Variants in CDH26 observed in about 807,000 individuals in gnomAD.
The protein encoded by CDH26 is cadherin 26.
In CDH26, 83 loss-of-function variants were observed where a neutral mutation model predicts 90.3. The ratio of observed to expected loss-of-function variants is 0.92; its 90% CI spans 0.77 to 1.10. The LOEUF is 1.10. CDH26 is among the 50% of genes least tolerant of loss of function. CDH26 has a pLI of 0.00. For synonymous variants in CDH26, 397 were observed against 396.3 expected (o/e 1.00, Z -0.02); for missense variants, 1,013 against 1,037.6 (o/e 0.98, Z 0.33).
chr20:60,021,604 T>TATTTAG (rs1419618407), intron 7 of CDH26, among the ~76,000 whole-genome samples: 1 of 152,134 alleles, frequency 6.6e-6, no homozygotes, highest in Admixed American at 6.5e-5. Flanking sequence ...ATGGGTAACT[T>TATTTAG]ATTTAGCTTA....
intron 4 of CDH26, among the ~76,000 whole-genome samples, chr20:59,972,980 C>G (rs2061282137): frequency 6.6e-6 from 1 of 152,168 alleles, no homozygotes; most frequent in Admixed American, 6.5e-5. Flanking sequence ...AATGAACATG[C>G]AAAGATGACT....
At chr20:59,962,679 C>A (rs1374863943) in intron 1 of CDH26, among the ~76,000 whole-genome samples, 1 of 152,134 alleles carries the variant, frequency 6.6e-6, no homozygotes, top group Non-Finnish European at 1.5e-5. Context: ...TTTAGGGACA[C>A]AATTCAACCC....
intron 7 of CDH26, among the ~76,000 whole-genome samples, chr20:60,021,686 T>C (rs756585813): frequency 6.6e-6 from 1 of 152,054 alleles, no homozygotes; most frequent in Non-Finnish European, 1.5e-5. Flanking sequence ...CTCTGACAAA[T>C]TGTTTTCAAT....
intron 1 of CDH26, among the ~76,000 whole-genome samples, chr20:59,961,077 C>G (rs1404654356): frequency 3.3e-5 from 5 of 152,324 alleles, no homozygotes; most frequent in African/African-American, 1.2e-4. Flanking sequence ...CTTAGTCAGA[C>G]AGCACATTAA....
chr20:59,981,683 T>C (rs1243148456), intron 4 of CDH26, among the ~76,000 whole-genome samples: 1 of 152,136 alleles, frequency 6.6e-6, no homozygotes, highest in African/African-American at 2.4e-5. Flanking sequence ...TGTTGAGAAC[T>C]TTTAACTCTA....
In CDH26 at chr20:59,976,938, C is replaced by A. The variant is rs146086087; in HGVS notation, c.393+4815C>A. ...AAAGCTTTCAAGGCCCTTAGAGGCC[C>A]CCTGGGAGGGCCACCGACCCTGGGC... On this transcript the variant is annotated intron_variant, in intron 4 of 17. Coordinates refer to ENST00000348616, the MANE Select transcript of CDH26 (RefSeq NM_177980.4). 3.4e-3 allele frequency among the ~76,000 whole-genome samples: 514 copies of A among 152,154 alleles called. 3 individuals carry two copies. Among genetic ancestry groups the A allele is most frequent in the African/African-American group, 0.012 (492 of 41,536 alleles).
intron 15 of CDH26, among the ~76,000 whole-genome samples, chr20:60,002,220 T>A (rs1016844829): frequency 1.3e-5 from 2 of 152,142 alleles, no homozygotes; most frequent in Non-Finnish European, 2.9e-5. Context: ...TGAGCAAAGA[T>A]GAAAACATGA....
At chr20:60,023,636 G>A (rs977751819) in intron 7 of CDH26, among the ~76,000 whole-genome samples, 12 of 152,104 alleles carry the variant, frequency 7.9e-5, no homozygotes, top group Non-Finnish European at 1.5e-4. Context: ...CTGGACTTTG[G>A]CTACTGCTGG....
At chr20:60,012,261 A>T (rs1250019772) in intron 17 of CDH26, among the ~76,000 whole-genome samples, 2 of 152,018 alleles carry the variant, frequency 1.3e-5, no homozygotes, top group African/African-American at 4.8e-5. Flanking sequence ...GGGTGGGAGC[A>T]GGTGGGAGGT....
At chr20:59,980,439 T>C (rs1307275863) in intron 4 of CDH26, among the ~76,000 whole-genome samples, 1 of 152,000 alleles carries the variant, frequency 6.6e-6, no homozygotes, top group African/African-American at 2.4e-5. Flanking sequence ...GGATTACAGT[T>C]GCCTGCCACC....
intron 7 of CDH26, among the ~76,000 whole-genome samples, chr20:60,025,489 T>A (rs2061989620): frequency 6.6e-6 from 1 of 152,216 alleles, no homozygotes; most frequent in Admixed American, 6.5e-5. Context: ...CAGTGTCCTT[T>A]TGAGCTTGGA....
intron 7 of CDH26, among the ~76,000 whole-genome samples, chr20:59,985,457 G>A (rs1197637545): frequency 6.6e-6 from 1 of 152,030 alleles, no homozygotes; most frequent in Admixed American, 6.6e-5. Context: ...AATGAGGAAC[G>A]AGAGAGGTAA....
intron 9 of CDH26, among the ~76,000 whole-genome samples, chr20:59,991,879 A>G (rs779263156): frequency 6.6e-6 from 1 of 152,252 alleles, no homozygotes. Flanking sequence ...CACCCCTTAC[A>G]GTGGTGTCAG....
At chr20:59,963,056 G>A (rs1038994473) in intron 1 of CDH26, among the ~76,000 whole-genome samples, 2 of 152,170 alleles carry the variant, frequency 1.3e-5, no homozygotes, top group East Asian at 1.9e-4. Context: ...AGCACTTTGT[G>A]TGTGAGTGTT....
chr20:60,027,882 T>G (rs1452903372), intron 7 of CDH26, among the ~76,000 whole-genome samples: 6 of 152,224 alleles, frequency 3.9e-5, no homozygotes, highest in Non-Finnish European at 7.3e-5. Flanking sequence ...AAATTTTGGT[T>G]GGAATAATGA....
intron 1 of CDH26, among the ~76,000 whole-genome samples, chr20:59,965,272 A>G (rs780924474): frequency 1.3e-5 from 2 of 152,216 alleles, no homozygotes; most frequent in Non-Finnish European, 2.9e-5. Flanking sequence ...AGGATAAATA[A>G]TGATAGATTC....
In CDH26 at chr20:60,023,960, G is replaced by GGAGAGAGAGA. The variant is rs11086691; in HGVS notation, c.948-7252_948-7243dup. Reference sequence around the variant, plus strand: ...GGTGGGTACCATTATGCTGACAGAGGGAGAGAGAGAGAGAGAGAGAGAGAG... The same window carrying GGAGAGAGAGA: ...GGTGGGTACCATTATGCTGACAGAGGGAGAGAGAGAGAGAGAGAGAGAGAGAGAGAGAGAG... On this transcript the variant is annotated intron_variant, in intron 7 of 8. Transcript: ENST00000370991. Among the ~76,000 whole-genome samples, 215 of 147,290 alleles carry GGAGAGAGAGA rather than the reference G, an allele frequency of 1.5e-3. 1 individual carries two copies. The highest frequency in any genetic ancestry group is 3.9e-3 in the African/African-American group (156 of 39,732).
downstream of CDH26, among the ~76,000 whole-genome samples, chr20:60,018,394 C>T (rs976547276): frequency 7.9e-5 from 12 of 151,912 alleles, no homozygotes; most frequent in Non-Finnish European, 1.6e-4. Flanking sequence ...ACTTTAAAGT[C>T]TGCTTTGTCT....
At position 59,994,399 on chromosome 20, in the gene CDH26, G is replaced by C. The variant is rs776702630; in HGVS notation, c.1576G>C (p.Asp526His). 1 of 1,614,138 alleles carries C rather than the reference G, an allele frequency of 6.2e-7. No homozygotes were observed. The highest frequency in any genetic ancestry group is 8.5e-7 in the Non-Finnish European group (1 of 1,180,032). ...CCTCCACATCGAGGCAGAGGATCCGGACCTGGAGCCGTTCTCTGACCCATT... is the reference window on the plus strand; with the variant it reads ...CCTCCACATCGAGGCAGAGGATCCGCACCTGGAGCCGTTCTCTGACCCATT... The part of the protein sequence containing the change: ...EPLHIEAEDP[D>H]LEPFSDPFTF... The change falls in exon 11 of 18, where the codon GAC becomes CAC. Residue 526 changes from aspartate to histidine, a missense_variant. Coordinates refer to ENST00000348616, the MANE Select transcript of CDH26 (RefSeq NM_177980.4).
Sources: gnomAD v4.1 joint callset for allele counts (sites outside exome capture counted in the v4.1 genomes callset) on GRCh38, gnomAD v4.1.1 for gene constraint, MANE v1.5 for transcripts, NCBI Gene and HGNC (gene_info 2026-07-23, HGNC 2026-07-21) for gene names.